The following CLYBL variants were observed in gnomAD, a reference collection of about 807,000 sequenced individuals.
CLYBL encodes the protein citramalyl-CoA lyase, mitochondrial.
In CLYBL, 31 loss-of-function variants were observed where a neutral mutation model predicts 38.9. The ratio of observed to expected loss-of-function variants is 0.80; its 90% CI spans 0.60 to 1.08. The LOEUF (loss-of-function observed/expected upper bound fraction) is 1.08, where lower values mean the gene tolerates loss of function less well. Among genes scored for constraint, CLYBL ranks in the 50% least tolerant of loss-of-function variants. The pLI, the probability that CLYBL is intolerant of heterozygous loss-of-function variation, is 0.00. For synonymous variants in CLYBL, 171 were observed against 158.6 expected, an observed-to-expected ratio of 1.08 and a Z score of -0.59; for missense variants, 434 against 411.6, an observed-to-expected ratio of 1.05 and a Z score of -0.47.
intron 2 of CLYBL, among the ~76,000 whole-genome samples, chr13:99,801,149 C>CT (rs1457300658): frequency 2.0e-5 from 3 of 152,308 alleles, no homozygotes; most frequent in Non-Finnish European, 2.9e-5. Flanking sequence ...GGTGCCCCCC[C>CT]TCCACACGTC....
intron 1 of CLYBL, among the ~76,000 whole-genome samples, chr13:99,679,238 A>G (rs7319992): frequency 0.5 from 74,024 of 149,268 alleles, 19,543 homozygotes; most frequent in African/African-American, 0.68. Flanking sequence ...AGGTTGCAGT[A>G]AGCCAAGATT....
intron 1 of CLYBL, among the ~76,000 whole-genome samples, chr13:99,662,729 T>C (rs76418625): frequency 2.0e-3 from 301 of 152,326 alleles, no homozygotes; most frequent in Non-Finnish European, 3.9e-3. Context: ...ATTTGTAAAA[T>C]AGTTACCCAT....
intron 1 of CLYBL, chr13:99,726,535 C>A (rs950979629): frequency 2.0e-5 from 3 of 152,280 alleles, no homozygotes; most frequent in African/African-American, 7.2e-5. Flanking sequence ...TCCATGGGGG[C>A]AGAGTGGTTC....
intron 1 of CLYBL, among the ~76,000 whole-genome samples, chr13:99,732,176 T>TG: frequency 6.8e-6 from 1 of 147,752 alleles, no homozygotes; most frequent in East Asian, 1.9e-4. Context: ...GCAGTTTTTT[T>TG]TTTTTTTTTT....
At chr13:99,817,779 G>T (rs532366849) in intron 2 of CLYBL, among the ~76,000 whole-genome samples, 2 of 152,180 alleles carry the variant, frequency 1.3e-5, no homozygotes, top group South Asian at 4.2e-4. Flanking sequence ...AAGGCAGGAG[G>T]ATTGCTTGAA....
rs186723704 is a variant in CLYBL, at chr13:99,791,547, C to T, written c.249+18537C>T. ...TGTCTGGATTCTGATAACATTTTGT[C>T]CTAACAATGTGACCTTGGGGAAATT... On this transcript the variant is annotated intron_variant, in intron 2 of 8. Coordinates refer to ENST00000339105, the MANE Select transcript of CLYBL (RefSeq NM_206808.5). Among the ~76,000 whole-genome samples the T allele has an allele frequency of 1.1e-4, 16 of 152,198 alleles. 1 individual carries two copies. In the East Asian group the frequency reaches 2.5e-3, roughly 24 times the overall value.
chr13:99,798,403 G>A (rs2050065518), intron 2 of CLYBL, among the ~76,000 whole-genome samples: 1 of 152,166 alleles, frequency 6.6e-6, no homozygotes, highest in African/African-American at 2.4e-5. Flanking sequence ...CCTTTGTAAA[G>A]TGAAATGTGG....
At chr13:99,674,801 A>C (rs373168719) in intron 1 of CLYBL, among the ~76,000 whole-genome samples, 1 of 152,202 alleles carries the variant, frequency 6.6e-6, no homozygotes, top group Non-Finnish European at 1.5e-5. Context: ...AAGTGAAAAC[A>C]GTACAGCAAG....
chr13:99,791,029 A>T (rs1687987748), intron 2 of CLYBL, among the ~76,000 whole-genome samples: 1 of 152,156 alleles, frequency 6.6e-6, no homozygotes, highest in South Asian at 2.1e-4. Context: ...AGTCTAAACC[A>T]AAGAATTGTG....
intron 2 of CLYBL, among the ~76,000 whole-genome samples, chr13:99,793,727 G>A (rs1249654847): frequency 6.6e-6 from 1 of 151,998 alleles, no homozygotes; most frequent in Non-Finnish European, 1.5e-5. Flanking sequence ...TCTTTTCAAA[G>A]AGATGCAGGC....
At chr13:99,714,777 G>A (rs998155957) in intron 1 of CLYBL, among the ~76,000 whole-genome samples, 134 of 151,742 alleles carry the variant, frequency 8.8e-4, no homozygotes, top group Admixed American at 2.3e-3. Context: ...GTGAAACCGC[G>A]TCTCTACTAA....
At chr13:99,815,661 G>A (rs916176725) in intron 2 of CLYBL, among the ~76,000 whole-genome samples, 1 of 152,114 alleles carries the variant, frequency 6.6e-6, no homozygotes, top group Non-Finnish European at 1.5e-5. Context: ...CGAGGCAGGC[G>A]GATCACTTGA....
intron 1 of CLYBL, among the ~76,000 whole-genome samples, chr13:99,758,646 G>A (rs1219983850): frequency 6.6e-6 from 1 of 152,178 alleles, no homozygotes; most frequent in African/African-American, 2.4e-5. Context: ...TTCCTTCTCC[G>A]GAACGGTGAC....
At chr13:99,738,805 TG>T (rs2048706533) in intron 1 of CLYBL, among the ~76,000 whole-genome samples, 1 of 151,530 alleles carries the variant, frequency 6.6e-6, no homozygotes, top group African/African-American at 2.4e-5. Context: ...GAAATGAGAA[TG>T]GGGGCAGTTG....
chr13:99,778,812 G>A (rs4772246), intron 2 of CLYBL, among the ~76,000 whole-genome samples: 42,465 of 152,004 alleles, frequency 0.28, 7,766 homozygotes, highest in Middle Eastern at 0.43. Context: ...ACTGGGTGAG[G>A]CCAAGAAAGT....
At chr13:99,661,333 T>G (rs2047406031) in intron 1 of CLYBL, among the ~76,000 whole-genome samples, 1 of 152,166 alleles carries the variant, frequency 6.6e-6, no homozygotes, top group South Asian at 2.1e-4. Context: ...TTACTCTAGT[T>G]TTTTTAGTTA....
chr13:99,743,959 CTT>C (rs1249114064), intron 1 of CLYBL, among the ~76,000 whole-genome samples: 1 of 135,926 alleles, frequency 7.4e-6, no homozygotes, highest in Non-Finnish European at 1.6e-5. Flanking sequence ...TTTTTTTTCT[CTT>C]CTTTCTTTTT....
intron 2 of CLYBL, among the ~76,000 whole-genome samples, chr13:99,777,582 TC>T: frequency 6.6e-6 from 1 of 151,542 alleles, no homozygotes. Flanking sequence ...AACCTCCGCC[TC>T]TCGGGTTCAA....
chr13:99,728,560 G>A (rs9517862), intron 1 of CLYBL, among the ~76,000 whole-genome samples: 3,238 of 151,474 alleles, frequency 0.021, 53 homozygotes, highest in Middle Eastern at 0.096. Context: ...TTACAGGTAT[G>A]AGCCAACTTC....
Sources: allele counts gnomAD v4.1 joint callset (sites outside exome capture counted in the v4.1 genomes callset), GRCh38; gene constraint gnomAD v4.1.1; transcripts MANE v1.5; gene names NCBI Gene and HGNC (gene_info 2026-07-23, HGNC 2026-07-21).